SYCP2: variants seen among roughly 807,000 people sequenced by gnomAD.
SYCP2 encodes the protein synaptonemal complex protein 2.
SYCP2 carries 55 observed loss-of-function variants against 211.3 expected under a neutral mutation model. The ratio of observed to expected loss-of-function variants is 0.26; its 90% CI spans 0.21 to 0.33. The LOEUF (loss-of-function observed/expected upper bound fraction) is 0.33, where lower values mean the gene tolerates loss of function less well. SYCP2 is among the 10% of genes least tolerant of loss of function. The probability of loss-of-function intolerance (pLI) is 1.00; values close to 1 mark genes in which losing one functional copy is unlikely to be tolerated. For missense variants in SYCP2, 1,731 were observed against 1,752.0 expected, an observed-to-expected ratio of 0.99 and a Z score of 0.21; for synonymous variants, 570 against 555.2, an observed-to-expected ratio of 1.03 and a Z score of -0.37.
At chr20:59,880,887 CTTG>C (rs965688271) in intron 30 of SYCP2, 76 bp downstream of exon 30, 35 of 703,036 alleles carry the variant, frequency 5.0e-5, no homozygotes, top group Non-Finnish European at 7.1e-5. Flanking sequence ...TTTTTGTTTT[CTTG>C]TTTTTGATAA....
chr20:59,894,661 T>C (rs73309248), intron 20 of SYCP2, among the ~76,000 whole-genome samples: 4,648 of 152,086 alleles, frequency 0.031, 223 homozygotes, highest in African/African-American at 0.1. Context: ...GGCCTCTCCA[T>C]TACCTTGCAC....
chr20:59,892,263 T>G lies in SYCP2; in HGVS notation c.2091A>C (p.Gln697His). ...VEVCKKHNQQ[Q>H]NHPKYSGQKN... Reference sequence around the variant, plus strand: ...TCTGCCCTGAATATTTAGGATGATTTTGTTGCTGATTGTGTTTCTTGCAAA... The same window carrying G: ...TCTGCCCTGAATATTTAGGATGATTGTGTTGCTGATTGTGTTTCTTGCAAA... The change falls in exon 24 of 45, where the codon CAA becomes CAC. Residue 697 changes from glutamine to histidine, a missense_variant. Physicochemically the swap from Gln to His is conservative, Grantham distance 24. Coordinates refer to ENST00000357552, the MANE Select transcript of SYCP2 (RefSeq NM_014258.4). 6.2e-7 allele frequency: 1 copy of G among 1,612,870 alleles called. No individual in the cohort carries two copies.
chr20:59,892,275 G>C lies in SYCP2; in HGVS notation c.2079C>G (p.His693Gln), dbSNP rs759061567. Residue 693 changes from histidine to glutamine, a missense_variant, in exon 24 of 45, where the codon CAC becomes CAG. This residue lies in a region of SYCP2 where 1,387 missense variants were observed against 1,351.3 expected (regional missense o/e 1.03). Coordinates refer to ENST00000357552, the MANE Select transcript of SYCP2 (RefSeq NM_014258.4). Reference protein sequence around the residue: ...DKAEVEVCKKHNQQQNHPKYS... With the variant: ...DKAEVEVCKKQNQQQNHPKYS... ...ATTTAGGATGATTTTGTTGCTGATT[G>C]TGTTTCTTGCAAACTTCTACTTCTG... is the stretch of plus-strand genomic sequence containing the variant. 1 of 1,612,508 alleles carries C rather than the reference G, an allele frequency of 6.2e-7. No individual in the cohort carries two copies. The highest frequency in any genetic ancestry group is 1.7e-5 in the Admixed American group (1 of 59,868).
chr20:59,877,379 A>G lies in SYCP2; in HGVS notation c.3150+6T>C. On this transcript the variant is annotated splice_donor_region_variant and intron_variant, in intron 33 of 44. Coordinates refer to ENST00000357552, the MANE Select transcript of SYCP2 (RefSeq NM_014258.4). ...TTAGAAATTAATCTGAACTGTATCT[A>G]TTTACCTTTACTGGTATGTTCTCTT... is the stretch of plus-strand genomic sequence containing the variant. The G allele has an allele frequency of 1.3e-6, 2 of 1,554,284 alleles. No homozygotes were observed. Among genetic ancestry groups the G allele is most frequent in the South Asian group, 1.2e-5 (1 of 80,534 alleles).
chr20:59,866,923 ATTT>A (rs528972460), intron 39 of SYCP2, among the ~76,000 whole-genome samples: 1 of 148,066 alleles, frequency 6.8e-6, no homozygotes, highest in Admixed American at 7.0e-5. Context: ...TTTTAAAACC[ATTT>A]TTTTCACAAA....
At chr20:59,910,438 T>A (rs946890232) in intron 14 of SYCP2, among the ~76,000 whole-genome samples, 12 of 136,946 alleles carry the variant, frequency 8.8e-5, no homozygotes, top group African/African-American at 2.9e-4. Flanking sequence ...TGGAGTGCAG[T>A]GGCCCGATCT....
At chr20:59,875,771 A>G (rs1278597422) in intron 33 of SYCP2, among the ~76,000 whole-genome samples, 1 of 152,124 alleles carries the variant, frequency 6.6e-6, no homozygotes, top group Non-Finnish European at 1.5e-5. Flanking sequence ...ATTTCATAGT[A>G]TTTGAGATAC....
intron 2 of SYCP2, among the ~76,000 whole-genome samples, chr20:59,925,452 G>A (rs992979771): frequency 6.6e-6 from 1 of 152,026 alleles, no homozygotes; most frequent in East Asian, 1.9e-4. Flanking sequence ...AACAAGGCAG[G>A]CCACACAGAT....
intron 44 of SYCP2, 119 bp downstream of exon 44, chr20:59,865,269 T>C: frequency 1.3e-6 from 1 of 768,550 alleles, no homozygotes; most frequent in Non-Finnish European, 2.1e-6. Context: ...GTAATTGGGC[T>C]AAAACTATTT....
In SYCP2 at chr20:59,881,472, T is replaced by C. The variant is rs775979841; in HGVS notation, c.2679A>G (p.Thr893=). The change falls in exon 29 of 45, where the codon ACA becomes ACG. Residue 893 remains threonine (T), a synonymous_variant. Transcript: ENST00000357552. ...ACCTATCCGCACAAGCTTCTTTAGC[T>C]GTAGCTTGAAACTCTTGGATCTATA... ...IKLGIQEFQA[T]AKEACADRSI... 6 of 1,539,756 alleles carry C rather than the reference T, an allele frequency of 3.9e-6. No homozygotes were observed. The Admixed American group carries it at 1.2e-4, about 30-fold the overall frequency.
intron 20 of SYCP2, 146 bp from the exon 21 acceptor site, chr20:59,893,739 T>C (rs2059953707): frequency 5.6e-6 from 3 of 534,628 alleles, no homozygotes; most frequent in Non-Finnish European, 9.9e-6. Context: ...ATAAACGTTA[T>C]GCCCGTTTTT....
chr20:59,905,820 AAAGATGTCCACTTTT>A (rs1395882312), intron 15 of SYCP2, among the ~76,000 whole-genome samples: 18 of 152,292 alleles, frequency 1.2e-4, no homozygotes, highest in Admixed American at 8.5e-4. Flanking sequence ...GGAAGTAGGC[AAAGATGTCCACTTTT>A]ATCGCTTCTA....
intron 26 of SYCP2, among the ~76,000 whole-genome samples, chr20:59,882,561 T>G (rs892820267): frequency 6.6e-6 from 1 of 152,050 alleles, no homozygotes; most frequent in Non-Finnish European, 1.5e-5. Flanking sequence ...ATAAAGAAAA[T>G]GTAGTATGTG....
intron 15 of SYCP2, among the ~76,000 whole-genome samples, chr20:59,902,739 C>A (rs992004393): frequency 6.6e-6 from 1 of 152,098 alleles, no homozygotes; most frequent in South Asian, 2.1e-4. Flanking sequence ...AAAACTTTCA[C>A]AGTAATGACC....
At chr20:59,926,361 GGAA>G (rs1307874651) in intron 2 of SYCP2, among the ~76,000 whole-genome samples, 13 of 152,094 alleles carry the variant, frequency 8.5e-5, no homozygotes, top group African/African-American at 3.1e-4. Flanking sequence ...TGAAAGTGCT[GGAA>G]GAAGGATCTT....
chr20:59,878,219 C>T (rs766895828), intron 31 of SYCP2, among the ~76,000 whole-genome samples, 174 bp from the exon 32 acceptor site: 1 of 152,118 alleles, frequency 6.6e-6, no homozygotes, highest in Non-Finnish European at 1.5e-5. Flanking sequence ...CACCAGGATA[C>T]CAGCCCTCCT....
At chr20:59,875,572 CCACA>C (rs2059539148) in intron 33 of SYCP2, 103 bp from the exon 34 acceptor site, 1 of 845,410 alleles carries the variant, frequency 1.2e-6, no homozygotes, top group African/African-American at 1.7e-5. Flanking sequence ...TTGTATATTA[CCACA>C]TACAGGCATA....
intron 1 of SYCP2, among the ~76,000 whole-genome samples, chr20:59,932,815 G>A (rs1047013226): frequency 1.6e-4 from 24 of 152,180 alleles, no homozygotes; most frequent in Admixed American, 1.4e-3. Flanking sequence ...CCAGCTGCGC[G>A]GAGGGGCTGG....
intron 2 of SYCP2, among the ~76,000 whole-genome samples, chr20:59,929,000 T>C (rs1487511863): frequency 6.6e-6 from 1 of 152,028 alleles, no homozygotes; most frequent in Non-Finnish European, 1.5e-5. Context: ...GGAAGACATT[T>C]GCAATGGAAT....
Sources: gnomAD v4.1 joint callset for allele counts (sites outside exome capture counted in the v4.1 genomes callset) on GRCh38, gnomAD v4.1.1 for gene constraint, gnomAD v4.1.1 regional missense constraint, MANE v1.5 for transcripts, NCBI Gene and HGNC (gene_info 2026-07-23, HGNC 2026-07-21) for gene names.